EYS: variants seen among roughly 807,000 people sequenced by gnomAD.
The protein encoded by EYS is EGF-like photoreceptor maintenance factor.
In EYS, 250 loss-of-function variants were observed where a neutral mutation model predicts 282.1. The ratio of observed to expected loss-of-function variants is 0.89; its 90% CI spans 0.80 to 0.98. The LOEUF (loss-of-function observed/expected upper bound fraction) is 0.98. Among genes scored for constraint, EYS ranks in the 50% least tolerant of loss-of-function variants. EYS has a pLI of 0.00. For missense variants in EYS, 4,016 were observed against 3,709.0 expected (o/e 1.08, Z -2.15); for synonymous variants, 1,355 against 1,282.9 (o/e 1.06, Z -1.20).
intron 29 of EYS, among the ~76,000 whole-genome samples, chr6:64,368,739 C>T (rs755893847): frequency 4.6e-5 from 7 of 152,054 alleles, no homozygotes; most frequent in Non-Finnish European, 8.8e-5. Flanking sequence ...GTCCTTTGCC[C>T]ATTTTTAAAT....
In EYS at chr6:64,040,829, G is replaced by A. The variant is rs143760086; in HGVS notation, c.6725+25509C>T. Among the ~76,000 whole-genome samples, 953 of 152,160 alleles carry A rather than the reference G, an allele frequency of 6.3e-3. 12 individuals are homozygous for A. Among genetic ancestry groups the A allele is most frequent in the African/African-American group, 0.022 (896 of 41,498 alleles). On this transcript the variant is annotated intron_variant, in intron 33 of 42. Coordinates refer to ENST00000503581, the MANE Select transcript of EYS (RefSeq NM_001142800.2). Reference sequence around the variant, plus strand: ...TTTAGTTTGTCAGCTCCTTATCCTCGAGCTCCTAAAAAGCTGGAGCTGAGC... The same window carrying A: ...TTTAGTTTGTCAGCTCCTTATCCTCAAGCTCCTAAAAAGCTGGAGCTGAGC...
chr6:64,411,070 G>A (rs7763168), intron 28 of EYS, among the ~76,000 whole-genome samples: 5,831 of 152,138 alleles, frequency 0.038, 361 homozygotes, highest in African/African-American at 0.13. Context: ...CAAAGTGTAT[G>A]TGTGGGGATA....
At chr6:64,587,844 T>C (rs1315009657) in intron 26 of EYS, among the ~76,000 whole-genome samples, 1 of 152,058 alleles carries the variant, frequency 6.6e-6, no homozygotes, top group African/African-American at 2.4e-5. Context: ...TATGGATTAA[T>C]TGAAAAAACT....
chr6:64,629,510 G>A (rs1163885071), intron 22 of EYS, among the ~76,000 whole-genome samples: 1 of 152,014 alleles, frequency 6.6e-6, no homozygotes, highest in Non-Finnish European at 1.5e-5. Context: ...TTTATGTTAA[G>A]AAATATGTCT....
intron 30 of EYS, among the ~76,000 whole-genome samples, chr6:64,295,052 G>T (rs893860520): frequency 6.6e-6 from 1 of 151,678 alleles, no homozygotes; most frequent in Non-Finnish European, 1.5e-5. Context: ...ATGCATTCTT[G>T]GGTTATTGGG....
intron 2 of EYS, among the ~76,000 whole-genome samples, chr6:65,573,041 A>G (rs1764532344): frequency 6.6e-6 from 1 of 152,122 alleles, no homozygotes; most frequent in South Asian, 2.1e-4. Flanking sequence ...TGAAACATCT[A>G]TAATTTAGCC....
At chr6:65,515,781 G>C (rs1767106954) in intron 2 of EYS, among the ~76,000 whole-genome samples, 1 of 128,390 alleles carries the variant, frequency 7.8e-6, no homozygotes, top group Non-Finnish European at 1.6e-5. Context: ...TCACACTCTG[G>C]GGACTGTTGT....
At chr6:65,408,368 T>C (rs760175238) in intron 5 of EYS, among the ~76,000 whole-genome samples, 2 of 152,116 alleles carry the variant, frequency 1.3e-5, no homozygotes, top group Non-Finnish European at 2.9e-5. Context: ...AAGAGATTAG[T>C]GCCAGTTATC....
At chr6:64,295,484 GAAGAAGAAGAAGA>G (rs1185423934) in intron 30 of EYS, among the ~76,000 whole-genome samples, 9 of 42,280 alleles carry the variant, frequency 2.1e-4, no homozygotes, top group South Asian at 1.9e-3. Flanking sequence ...AGAAGAAGAA[GAAGAAGAAGAAGA>G]AAGAAGAAAG....
intron 22 of EYS, among the ~76,000 whole-genome samples, chr6:64,690,010 T>G (rs369638746): frequency 2.9e-4 from 44 of 151,922 alleles, no homozygotes; most frequent in Non-Finnish European, 5.2e-4. Context: ...TTCTGCACAG[T>G]AAAAGAAACT....
intron 30 of EYS, among the ~76,000 whole-genome samples, chr6:64,247,965 T>C (rs1425674984): frequency 6.6e-6 from 1 of 152,082 alleles, no homozygotes; most frequent in Non-Finnish European, 1.5e-5. Context: ...AAGAAGATAT[T>C]TGACATTAGC....
intron 29 of EYS, among the ~76,000 whole-genome samples, chr6:64,377,428 G>A (rs191482540): frequency 3.2e-4 from 48 of 152,242 alleles, no homozygotes; most frequent in Non-Finnish European, 5.3e-4. Flanking sequence ...GCAGTATAGC[G>A]TAGGTTTTAA....
At chr6:65,630,715 G>A (rs1269521984) in intron 2 of EYS, among the ~76,000 whole-genome samples, 1 of 152,126 alleles carries the variant, frequency 6.6e-6, no homozygotes, top group Non-Finnish European at 1.5e-5. Flanking sequence ...AATATTCTCT[G>A]TGACTTTGTA....
chr6:64,905,556 T>C (rs548876396), intron 16 of EYS, among the ~76,000 whole-genome samples: 2 of 152,314 alleles, frequency 1.3e-5, no homozygotes, highest in South Asian at 4.1e-4. Flanking sequence ...CAGTAAATGA[T>C]ATTTTTATAC....
intron 5 of EYS, among the ~76,000 whole-genome samples, chr6:65,457,946 C>T (rs961443238): frequency 6.6e-6 from 1 of 152,102 alleles, no homozygotes; most frequent in African/African-American, 2.4e-5. Flanking sequence ...TCTGCCTACC[C>T]TCAAACCTAT....
chr6:64,600,748 T>C lies in EYS; in HGVS notation c.3685-7439A>G, dbSNP rs138372040. On this transcript the variant is annotated intron_variant, in intron 24 of 42. Coordinates refer to ENST00000503581, the MANE Select transcript of EYS (RefSeq NM_001142800.2). ...TGATGGCTGGCACATACTGATGTACTTGATGGTCAGTAAACATTTATTGGA... is the reference window on the plus strand; with the variant it reads ...TGATGGCTGGCACATACTGATGTACCTGATGGTCAGTAAACATTTATTGGA... 3.2e-3 allele frequency among the ~76,000 whole-genome samples: 490 copies of C among 152,236 alleles called. 2 individuals carry two copies. Among genetic ancestry groups the C allele is most frequent in the Middle Eastern group, 6.8e-3 (2 of 294 alleles).
At chr6:63,899,464 G>T (rs1035720438) in intron 35 of EYS, among the ~76,000 whole-genome samples, 1 of 152,152 alleles carries the variant, frequency 6.6e-6, no homozygotes, top group African/African-American at 2.4e-5. Context: ...GGTACTTTAT[G>T]ATATGAATCT....
chr6:64,364,170 A>G (rs887988040), intron 29 of EYS, among the ~76,000 whole-genome samples: 3 of 152,016 alleles, frequency 2.0e-5, no homozygotes, highest in Admixed American at 2.0e-4. Flanking sequence ...TCTAGGGACC[A>G]CGTAATTCCA....
At chr6:65,051,041 AT>A (rs1419541724) in intron 13 of EYS, among the ~76,000 whole-genome samples, 1 of 151,604 alleles carries the variant, frequency 6.6e-6, no homozygotes, top group East Asian at 1.9e-4. Flanking sequence ...CAGATAAGAC[AT>A]TTGCTTTGCT....
Sources: gnomAD v4.1 joint callset for allele counts (sites outside exome capture counted in the v4.1 genomes callset) on GRCh38, gnomAD v4.1.1 for gene constraint, MANE v1.5 for transcripts, NCBI Gene and HGNC (gene_info 2026-07-23, HGNC 2026-07-21) for gene names.